PTGDS: variants seen among roughly 807,000 people sequenced by gnomAD.
PTGDS encodes prostaglandin D2 synthase.
A neutral mutation model predicts 28.4 loss-of-function variants in PTGDS; 21 were observed. That is an observed-to-expected ratio of 0.74 (90% CI 0.52 to 1.07). PTGDS has a LOEUF of 1.07. Among genes scored for constraint, PTGDS ranks in the 50% least tolerant of loss-of-function variants. PTGDS has a pLI of 0.00. For synonymous variants in PTGDS, 102 were observed against 106.0 expected (o/e 0.96, Z 0.23); for missense variants, 243 against 247.7 (o/e 0.98, Z 0.13).
In PTGDS at chr9:136,981,274, C is replaced by T. The variant is rs35125096; in HGVS notation, c.*1-305C>T. ...GGATGGAAGGGGAGGGCCAAGGACG[C>T]TACATGGATGCCGTGGGACAGCTCG... On this transcript the variant is annotated intron_variant, in intron 6 of 6. Transcript: ENST00000371625. Among the ~76,000 whole-genome samples, 163 of 152,240 alleles carry T rather than the reference C, an allele frequency of 1.1e-3. 1 individual carries two copies. Among genetic ancestry groups the T allele is most frequent in the African/African-American group, 3.8e-3 (157 of 41,530 alleles).
chr9:136,980,966 C>T, intron 6 of PTGDS, 111 bp downstream of exon 6: 26 of 1,419,048 alleles, frequency 1.8e-5, no homozygotes, highest in Non-Finnish European at 2.4e-5. Flanking sequence ...CAGCCTGGTG[C>T]TGCAGACCCA....
intron 6 of PTGDS, chr9:136,981,091 G>A (rs972651643): frequency 8.2e-6 from 5 of 609,148 alleles, no homozygotes; most frequent in East Asian, 5.9e-5. Flanking sequence ...CTGGAACAGG[G>A]CTGACTCCTG....
intron 3 of PTGDS, 187 bp from the exon 4 acceptor site, chr9:136,979,759 G>A: frequency 1.5e-6 from 1 of 673,588 alleles, no homozygotes; most frequent in East Asian, 2.6e-5. Flanking sequence ...ATTCTGGTTT[G>A]GGGACAGGGT....
At chr9:136,978,382 AG>A (rs1200302726) in intron 1 of PTGDS, among the ~76,000 whole-genome samples, 2 of 126,386 alleles carry the variant, frequency 1.6e-5, no homozygotes, top group Non-Finnish European at 3.4e-5. Flanking sequence ...TGTCCTCGGG[AG>A]GGGCGTGGCC....
chr9:136,977,512 T>TGCACACCTCCC lies in PTGDS; in HGVS notation c.-66_-56dup. The TGCACACCTCCC allele has an allele frequency of 8.0e-7, 1 of 1,255,540 alleles. No individual in the cohort carries two copies. Among genetic ancestry groups the TGCACACCTCCC allele is most frequent in the South Asian group, 1.4e-5 (1 of 70,228 alleles). The allele number at this position is 1,255,540 out of a possible 1,614,324, so 77.8% of individuals were successfully genotyped here. ...TCTCCTCAGTGCCCTCCGCTCCTCC[T>TGCACACCTCCC]GCACACCTCCCTCGCTCTCCCACAC... On this transcript the variant is annotated 5_prime_UTR_variant, in exon 1 of 7. Transcript: ENST00000371625.
rs772302526 is a variant in PTGDS at position 136,979,248 on chromosome 9, A to T, written c.280A>T (p.Met94Leu). The change falls in exon 3 of 7, where the codon ATG (methionine) becomes TTG (leucine). Residue 94 changes from methionine to leucine, a missense_variant. Physicochemically the swap from Met to Leu is conservative, Grantham distance 15 (BLOSUM62 2). Coordinates refer to ENST00000371625, the MANE Select transcript of PTGDS (RefSeq NM_000954.6). ...LRKNQCETRT[M>L]LLQPAGSLGS... ...GAAAAACCAGTGTGAGACCCGAACC[A>T]TGCTGCTGCAGCCCGCGGGGTCCCT... 4 of 1,612,746 alleles carry T rather than the reference A, an allele frequency of 2.5e-6. No homozygotes were observed. The Admixed American group carries it at 5.0e-5, about 20-fold the overall frequency.
At chr9:136,979,827 C>A in intron 3 of PTGDS, 119 bp from the exon 4 acceptor site, 1 of 944,686 alleles carries the variant, frequency 1.1e-6, no homozygotes, top group Non-Finnish European at 1.7e-6. Context: ...GGTGGGGGAG[C>A]ATCCCGGGCC....
In PTGDS at chr9:136,980,009, A is replaced by G; in HGVS notation, c.395A>G (p.Tyr132Cys). ...GACTACGACCAGTACGCGCTGCTGTACAGCCAGGGCAGCAAGGGCCCTGGC... is the reference window on the plus strand; with the variant it reads ...GACTACGACCAGTACGCGCTGCTGTGCAGCCAGGGCAGCAAGGGCCCTGGC... ...ETDYDQYALLYSQGSKGPGED... is the reference protein window; with the variant it reads ...ETDYDQYALLCSQGSKGPGED... Residue 132 changes from tyrosine to cysteine, a missense_variant, in exon 4 of 7, where the codon TAC (tyrosine) becomes TGC (cysteine). By Grantham distance (194) the Tyr-to-Cys change is radical. Coordinates refer to ENST00000371625, the MANE Select transcript of PTGDS (RefSeq NM_000954.6). The G allele has an allele frequency of 1.2e-6, 2 of 1,613,106 alleles. No homozygotes were observed. Among genetic ancestry groups the G allele is most frequent in the Non-Finnish European group, 1.7e-6 (2 of 1,179,910 alleles).
At position 136,980,646 on chromosome 9, in the gene PTGDS, C is replaced by T. The variant is rs774777448; in HGVS notation, c.551-187C>T. On this transcript the variant is annotated intron_variant, in intron 5 of 6. Transcript: ENST00000371625. ...CTAGGGGTGGACAGCCTGCTCTTGGCAGAGGTGGAGAAAGACCCTCTCTTT... is the reference window on the plus strand; with the variant it reads ...CTAGGGGTGGACAGCCTGCTCTTGGTAGAGGTGGAGAAAGACCCTCTCTTT... The T allele has an allele frequency of 1.9e-6, 3 of 1,547,734 alleles. No individual in the cohort carries two copies. In the African/African-American group the frequency reaches 4.1e-5, roughly 21 times the overall value.
In PTGDS at chr9:136,977,613, C is replaced by T. The variant is rs1465914990; in HGVS notation, c.35C>T (p.Ala12Val). ...CATCACACACTGTGGATGGGACTGG[C>T]CCTGCTGGGGGTGCTGGGCGACCTG... ...ATHHTLWMGL[A>V]LLGVLGDLQA... The change falls in exon 1 of 7, where the codon GCC (alanine) becomes GTC (valine). Residue 12 changes from alanine to valine, a missense_variant. Transcript: ENST00000371625. 3.7e-6 allele frequency: 6 copies of T among 1,609,246 alleles called. No individual in the cohort carries two copies. The highest frequency in any genetic ancestry group is 1.3e-5 in the African/African-American group (1 of 74,738).
At chr9:136,978,596 C>T in intron 1 of PTGDS, among the ~76,000 whole-genome samples, 1 of 109,606 alleles carries the variant, frequency 9.1e-6, no homozygotes, top group Non-Finnish European at 1.9e-5. Flanking sequence ...GCGGGGTCAG[C>T]TCCTAGGGGG....
At position 136,979,244 on chromosome 9, in the gene PTGDS, A is replaced by G. The variant is rs1176998540; in HGVS notation, c.276A>G (p.Arg92=). The change falls in exon 3 of 7, where the codon CGA becomes CGG. Residue 92 remains arginine (R), a synonymous_variant. Coordinates refer to ENST00000371625, the MANE Select transcript of PTGDS (RefSeq NM_000954.6). ...ACAGGAAAAACCAGTGTGAGACCCG[A>G]ACCATGCTGCTGCAGCCCGCGGGGT... The part of the protein sequence containing the change: ...TFLRKNQCET[R]TMLLQPAGSL... The G allele has an allele frequency of 3.1e-6, 5 of 1,612,808 alleles. No individual in the cohort carries two copies. The highest frequency in any genetic ancestry group is 4.2e-6 in the Non-Finnish European group (5 of 1,179,820).
At chr9:136,980,547 GT>G in intron 5 of PTGDS, 1 of 1,109,470 alleles carries the variant, frequency 9.0e-7, no homozygotes, top group Non-Finnish European at 1.3e-6. Context: ...CTTCAGCCTG[GT>G]GGGGGGCATA....
intron 3 of PTGDS, 21 bp from the exon 4 acceptor site, chr9:136,979,925 G>A: frequency 6.2e-7 from 1 of 1,606,962 alleles, no homozygotes. Context: ...TCCCCGACAG[G>A]GTTGTCTCTT....
intron 6 of PTGDS, chr9:136,981,145 C>T (rs766627209): frequency 6.2e-6 from 3 of 486,062 alleles, no homozygotes; most frequent in Non-Finnish European, 3.6e-6. Flanking sequence ...CCCAGGCAGA[C>T]AAGGCCAAGG....
At position 136,979,971 on chromosome 9, in the gene PTGDS, A is replaced by T; in HGVS notation, c.357A>T (p.Ser119=). ...SPHWGSTYSV[S]VVETDYDQYA... is the part of the protein sequence containing the mutation. ...ACTGGGGCAGCACCTACTCCGTGTCAGTGGTGGAGACCGACTACGACCAGT... is the reference window on the plus strand; with the variant it reads ...ACTGGGGCAGCACCTACTCCGTGTCTGTGGTGGAGACCGACTACGACCAGT... The change falls in exon 4 of 7, where the codon TCA becomes TCT. Residue 119 remains serine, a synonymous_variant. Coordinates refer to ENST00000371625, the MANE Select transcript of PTGDS (RefSeq NM_000954.6). 6.2e-7 allele frequency: 1 copy of T among 1,613,258 alleles called. No individual in the cohort carries two copies.
chr9:136,979,091 T>C lies in PTGDS; in HGVS notation c.213T>C (p.Pro71=). The C allele has an allele frequency of 1.2e-6, 2 of 1,611,510 alleles. No homozygotes were observed. The highest frequency in any genetic ancestry group is 2.2e-5 in the East Asian group (1 of 44,864). Residue 71 remains proline (P), a synonymous_variant, in exon 2 of 7, where the codon CCT becomes CCC. Transcript: ENST00000371625. ...ALSMCKSVVA[P]ATDGGLNLTS... is the part of the protein sequence containing the mutation. ...CCATGTGCAAGTCTGTGGTGGCCCC[T>C]GCCACGGATGGTGGCCTCAACCTGA...
intron 3 of PTGDS, 162 bp downstream of exon 3, chr9:136,979,461 C>A: frequency 6.5e-7 from 1 of 1,543,152 alleles, no homozygotes; most frequent in Non-Finnish European, 8.7e-7. Flanking sequence ...ACTACCCATG[C>A]ACAAGTGTTA....
At position 136,977,617 on chromosome 9, in the gene PTGDS, GC is replaced by G. The variant is rs1422275045; in HGVS notation, c.40del (p.Leu14TrpfsTer66). On this transcript the variant is annotated frameshift_variant, in exon 1 of 7. Coordinates refer to ENST00000371625, the MANE Select transcript of PTGDS (RefSeq NM_000954.6). LOFTEE classifies it high-confidence loss of function. ...HHTLWMGLAL[L>X]GVLGDLQAAP... ...ACACACTGTGGATGGGACTGGCCCT[GC>G]TGGGGGTGCTGGGCGACCTGCAGGC... The G allele has an allele frequency of 2.5e-6, 4 of 1,609,538 alleles. No individual in the cohort carries two copies. Among genetic ancestry groups the G allele is most frequent in the Non-Finnish European group, 3.4e-6 (4 of 1,178,622 alleles).
Sources: gnomAD v4.1 joint callset for allele counts (sites outside exome capture counted in the v4.1 genomes callset) on GRCh38, gnomAD v4.1.1 for gene constraint, MANE v1.5 for transcripts, NCBI Gene and HGNC (gene_info 2026-07-23, HGNC 2026-07-21) for gene names.